Variants in RFTN1 observed in about 807,000 individuals in gnomAD.
RFTN1 encodes raftlin.
RFTN1 carries 26 observed loss-of-function variants against 46.5 expected under a neutral mutation model. That is an observed-to-expected ratio of 0.56 (90% CI 0.41 to 0.78). RFTN1 has a LOEUF of 0.78. Among genes scored for constraint, RFTN1 ranks in the 30% least tolerant of loss-of-function variants. The pLI, the probability that RFTN1 is intolerant of heterozygous loss-of-function variation, is 0.00. For missense variants in RFTN1, 693 were observed against 718.7 expected (o/e 0.96, Z 0.41); for synonymous variants, 261 against 284.2 (o/e 0.92, Z 0.82).
At chr3:16,388,221 C>A (rs991044053) in intron 4 of RFTN1, among the ~76,000 whole-genome samples, 2 of 152,298 alleles carry the variant, frequency 1.3e-5, no homozygotes, top group East Asian at 1.9e-4. Flanking sequence ...GCTGTTCCCC[C>A]CTCCATCTCC....
chr3:16,367,118 G>A (rs879511366), intron 6 of RFTN1, among the ~76,000 whole-genome samples: 1 of 145,018 alleles, frequency 6.9e-6, no homozygotes, highest in Non-Finnish European at 1.5e-5. Context: ...TTATGACCCT[G>A]TGGAAAATAT....
rs1167517424 is a variant in RFTN1, at chr3:16,413,773, C to T, written c.333-4290G>A. Reference sequence around the variant, plus strand: ...TAATAAAATATGCTTCCCCATCACTCGCCATCCCCAACTTGGTATGATAAT... The same window carrying T: ...TAATAAAATATGCTTCCCCATCACTTGCCATCCCCAACTTGGTATGATAAT... On this transcript the variant is annotated intron_variant, in intron 3 of 9. Coordinates refer to ENST00000334133, the MANE Select transcript of RFTN1 (RefSeq NM_015150.2). The surrounding 1 kb of genome is among the most constrained non-coding windows in gnomAD (Gnocchi z 4.7). Among the ~76,000 whole-genome samples the T allele has an allele frequency of 6.6e-6, 1 of 152,172 alleles. No individual in the cohort carries two copies. Among genetic ancestry groups the T allele is most frequent in the African/African-American group, 2.4e-5 (1 of 41,444 alleles).
chr3:16,324,737 A>G (rs1234182917), intron 8 of RFTN1, among the ~76,000 whole-genome samples: 4 of 149,692 alleles, frequency 2.7e-5, no homozygotes, highest in Non-Finnish European at 5.9e-5. Flanking sequence ...AGGGACACCT[A>G]AGTTGTTTCC....
intron 5 of RFTN1, 139 bp downstream of exon 5, chr3:16,377,579 T>C (rs1351545080): frequency 1.5e-6 from 2 of 1,367,190 alleles, no homozygotes; most frequent in Non-Finnish European, 1.9e-6. Flanking sequence ...AACTGCTTGA[T>C]AAAGTTTCTC....
At chr3:16,493,160 G>T (rs1274846169) in intron 2 of RFTN1, among the ~76,000 whole-genome samples, 1 of 152,144 alleles carries the variant, frequency 6.6e-6, no homozygotes, top group African/African-American at 2.4e-5. Flanking sequence ...GTTGGCTCAT[G>T]GGCCAAATTC....
rs771838800 is a variant in RFTN1, at chr3:16,493,827, G to A, written c.43C>T (p.Arg15Trp). The change falls in exon 2 of 10, where the codon CGG becomes TGG. Residue 15 changes from arginine (R) to tryptophan (W), a missense_variant. Transcript: ENST00000334133. ...AAAGTTGAATAAATATTCCCAGGCCGTTTTTCATCACGTTTCTCTAACTTG... is the reference window on the plus strand; with the variant it reads ...AAAGTTGAATAAATATTCCCAGGCCATTTTTCATCACGTTTCTCTAACTTG... ...LNKLEKRDEK[R>W]PGNIYSTLKR... is the part of the protein sequence containing the mutation. The A allele has an allele frequency of 1.8e-5, 29 of 1,613,930 alleles. No homozygotes were observed. The highest frequency in any genetic ancestry group is 2.1e-5 in the Non-Finnish European group (25 of 1,180,022).
intron 7 of RFTN1, chr3:16,339,269 T>TA (rs2071142956): frequency 6.6e-6 from 1 of 152,410 alleles, no homozygotes; most frequent in African/African-American, 2.4e-5. Context: ...TTGCTATGGC[T>TA]ACCACAATTC....
At chr3:16,366,255 C>A (rs1256739466) in intron 6 of RFTN1, among the ~76,000 whole-genome samples, 1 of 150,544 alleles carries the variant, frequency 6.6e-6, no homozygotes, top group Non-Finnish European at 1.5e-5. Context: ...AGCCTCCTCG[C>A]TGGGTCTTCA....
In RFTN1 at chr3:16,352,422, G is replaced by T. The variant is rs2072163227; in HGVS notation, c.1146+5510C>A. On this transcript the variant is annotated intron_variant, in intron 7 of 9. Transcript: ENST00000334133. The surrounding 1 kb of genome is among the most constrained non-coding windows in gnomAD (Gnocchi z 4.6). ...TGTAGTTTTTTCCTTTCCTTTCCAA[G>T]AATTACCCTTTCTGCTCACATACTA... Among the ~76,000 whole-genome samples, 1 of 152,132 alleles carries T rather than the reference G, an allele frequency of 6.6e-6. No homozygotes were observed. The highest frequency in any genetic ancestry group is 1.5e-5 in the Non-Finnish European group (1 of 68,034).
intron 3 of RFTN1, among the ~76,000 whole-genome samples, chr3:16,420,117 T>A (rs574952701): frequency 6.6e-6 from 1 of 152,130 alleles, no homozygotes; most frequent in African/African-American, 2.4e-5. Context: ...CTACAAGGAG[T>A]GCACTGTTAA....
chr3:16,359,750 C>T (rs571838445), intron 6 of RFTN1, among the ~76,000 whole-genome samples: 26 of 152,138 alleles, frequency 1.7e-4, no homozygotes, highest in Middle Eastern at 3.4e-3. Context: ...ACAAACAAAG[C>T]GCATTTCAAT....
rs1237493621 is a variant in RFTN1, at chr3:16,498,340, G to T, written c.-8-4463C>A. Among the ~76,000 whole-genome samples, 1 of 152,160 alleles carries T rather than the reference G, an allele frequency of 6.6e-6. No individual in the cohort carries two copies. Among genetic ancestry groups the T allele is most frequent in the Non-Finnish European group, 1.5e-5 (1 of 68,018 alleles). On this transcript the variant is annotated intron_variant, in intron 1 of 9. Coordinates refer to ENST00000334133, the MANE Select transcript of RFTN1 (RefSeq NM_015150.2). The surrounding 1 kb of genome is among the most constrained non-coding windows in gnomAD (Gnocchi z 5.2). ...GCAGTGAATTAATGTAACCAAGCCA[G>T]CTGTCTCTGTACCTCACTTCTCTTT...
rs1340852013 is a variant in RFTN1, at chr3:16,380,655, CCTA to C, written c.442-2556_442-2554del. Among the ~76,000 whole-genome samples the C allele has an allele frequency of 6.6e-6, 1 of 152,152 alleles. No individual in the cohort carries two copies. The highest frequency in any genetic ancestry group is 1.5e-5 in the Non-Finnish European group (1 of 68,022). ...GCAAATTCTCAGGCCCCACCACAGA[CCTA>C]CTGAGTCAGAAACTCTGAGGGTGAG... On this transcript the variant is annotated intron_variant, in intron 4 of 9. Coordinates refer to ENST00000334133, the MANE Select transcript of RFTN1 (RefSeq NM_015150.2). The surrounding 1 kb of genome is among the most constrained non-coding windows in gnomAD (Gnocchi z 4.8).
chr3:16,473,191 A>T lies in RFTN1; in HGVS notation c.145+20534T>A, dbSNP rs1484509721. 1.3e-5 allele frequency among the ~76,000 whole-genome samples: 2 copies of T among 152,198 alleles called. No individual in the cohort carries two copies. Among genetic ancestry groups the T allele is most frequent in the African/African-American group, 4.8e-5 (2 of 41,434 alleles). ...GCCTGTCTATTCCTTCAGCACAATT[A>T]GGTCAACACTGTTGACCACAGTATA... On this transcript the variant is annotated intron_variant, in intron 2 of 9. Coordinates refer to ENST00000334133, the MANE Select transcript of RFTN1 (RefSeq NM_015150.2). This position sits in a 1 kb window ranked among gnomAD's most constrained non-coding sequence, Gnocchi z 5.3.
At chr3:16,437,180 T>C (rs915265019) in intron 2 of RFTN1, among the ~76,000 whole-genome samples, 78 of 152,366 alleles carry the variant, frequency 5.1e-4, no homozygotes, top group Non-Finnish European at 9.7e-4. Context: ...ATTGGAATAA[T>C]ACATTTTCCT....
At position 16,337,722 on chromosome 3, in the gene RFTN1, C is replaced by G. The variant is rs1488124456; in HGVS notation, c.1147-10846G>C. 7.3e-6 allele frequency among the ~76,000 whole-genome samples: 1 copy of G among 137,402 alleles called. No individual in the cohort carries two copies. The highest frequency in any genetic ancestry group is 2.1e-4 in the East Asian group (1 of 4,720). 90.1% of individuals were successfully genotyped at this position (137,402 alleles called of 152,430 possible). ...GCGCCACTGCACTCCAGCCTGGCGA[C>G]AGAGCGAGACTCCATCTCAAAAAAA... On this transcript the variant is annotated intron_variant, in intron 7 of 9. Coordinates refer to ENST00000334133, the MANE Select transcript of RFTN1 (RefSeq NM_015150.2). The surrounding 1 kb of genome is among the most constrained non-coding windows in gnomAD (Gnocchi z 5.0).
chr3:16,350,492 C>CT (rs11324617), intron 7 of RFTN1, among the ~76,000 whole-genome samples: 3,754 of 146,528 alleles, frequency 0.026, 121 homozygotes, highest in African/African-American at 0.081. Context: ...AGATGAATCA[C>CT]TTTTTTTTTT....
intron 1 of RFTN1, among the ~76,000 whole-genome samples, chr3:16,502,453 C>T (rs980901846): frequency 2.0e-5 from 3 of 151,976 alleles, no homozygotes; most frequent in South Asian, 2.1e-4. Context: ...GCCTCCAGGA[C>T]GACCCTCAGT....
Position 16,373,905 on chromosome 3 carries a change from G to T in RFTN1, c.827-3626C>A, listed in dbSNP as rs760475286. 4.6e-4 allele frequency among the ~76,000 whole-genome samples: 70 copies of T among 152,300 alleles called. No homozygotes were observed. In the Middle Eastern group the frequency reaches 0.01, roughly 22 times the overall value. On this transcript the variant is annotated intron_variant, in intron 5 of 9. Coordinates refer to ENST00000334133, the MANE Select transcript of RFTN1 (RefSeq NM_015150.2). Reference sequence around the variant, plus strand: ...CAGGAGGGTAGAAGGGCCCCAGGCTGCTCCATCCAGATGCCTAAATCTGGG... The same window carrying T: ...CAGGAGGGTAGAAGGGCCCCAGGCTTCTCCATCCAGATGCCTAAATCTGGG...
Sources: allele counts gnomAD v4.1 joint callset (sites outside exome capture counted in the v4.1 genomes callset), GRCh38; gene constraint gnomAD v4.1.1; non-coding constraint Gnocchi (gnomAD v3.1); transcripts MANE v1.5; gene names NCBI Gene and HGNC (gene_info 2026-07-23, HGNC 2026-07-21).